APTX: variants seen among roughly 807,000 people sequenced by gnomAD.
APTX encodes the protein aprataxin, also known as forkhead-associated domain histidine triad-like protein.
A neutral mutation model predicts 42.3 loss-of-function variants in APTX; 33 were observed. The ratio of observed to expected loss-of-function variants is 0.78; its 90% CI spans 0.59 to 1.04. The LOEUF (loss-of-function observed/expected upper bound fraction) is 1.04. APTX is among the 50% of genes least tolerant of loss of function. APTX has a pLI of 0.00. For missense variants in APTX, 421 were observed against 415.1 expected (o/e 1.01, Z -0.12); for synonymous variants, 130 against 146.7 (o/e 0.89, Z 0.82).
chr9:33,008,839 A>G (rs1837339700), intron 1 of APTX, among the ~76,000 whole-genome samples: 2 of 152,014 alleles, frequency 1.3e-5, no homozygotes, highest in Non-Finnish European at 2.9e-5. Flanking sequence ...GACGTGCGCC[A>G]CCGCGTTGGC....
chr9:33,020,882 C>T (rs1390276002), intron 1 of APTX, among the ~76,000 whole-genome samples: 1 of 152,226 alleles, frequency 6.6e-6, no homozygotes, highest in East Asian at 1.9e-4. Flanking sequence ...GTAATCCCAG[C>T]ACTTTGGGAG....
intron 1 of APTX, among the ~76,000 whole-genome samples, chr9:33,000,218 G>A (rs1835937248): frequency 6.6e-6 from 1 of 152,154 alleles, no homozygotes; most frequent in Admixed American, 6.5e-5. Context: ...AGAGCTAAAG[G>A]ACAAAGTATG....
Position 32,973,150 on chromosome 9 carries a change from G to C in APTX, c.*348C>G. The C allele has an allele frequency of 6.4e-6, 3 of 470,494 alleles. 1 individual carries two copies. The highest frequency in any genetic ancestry group is 4.6e-5 in the South Asian group (3 of 64,636). The allele number at this position is 470,494 out of a possible 1,614,324, so 29.1% of individuals were successfully genotyped here. On this transcript the variant is annotated 3_prime_UTR_variant, in exon 8 of 8. Transcript: ENST00000379817. ...CTACAGAGGCGGAGGATAAATCTAA[G>C]AAACAGAAATGTATAACCAGCCCAA...
intron 1 of APTX, chr9:33,019,819 G>C: frequency 1.6e-6 from 1 of 640,236 alleles, no homozygotes; most frequent in Non-Finnish European, 2.7e-6. Context: ...TCCAGCGGAC[G>C]GCCAGGATCC....
intron 1 of APTX, among the ~76,000 whole-genome samples, chr9:32,991,795 C>T (rs1386727016): frequency 1.4e-5 from 2 of 146,612 alleles, no homozygotes; most frequent in Admixed American, 6.8e-5. Context: ...AAAAAAAAGG[C>T]GAGACACTCA....
intron 1 of APTX, among the ~76,000 whole-genome samples, chr9:33,012,266 G>C (rs907233310): frequency 6.6e-6 from 1 of 151,888 alleles, no homozygotes; most frequent in Non-Finnish European, 1.5e-5. Flanking sequence ...ATTTTAGAGA[G>C]AGAGGATATA....
intron 1 of APTX, among the ~76,000 whole-genome samples, chr9:33,016,952 G>C (rs1837944635): frequency 6.6e-6 from 1 of 152,192 alleles, no homozygotes; most frequent in African/African-American, 2.4e-5. Flanking sequence ...TACCAACTCT[G>C]TACCAGGCAG....
chr9:32,999,447 C>T (rs548911163), intron 1 of APTX, among the ~76,000 whole-genome samples: 27 of 152,276 alleles, frequency 1.8e-4, no homozygotes, highest in Non-Finnish European at 3.1e-4. Flanking sequence ...TCTGAGAAAC[C>T]TGGCCTTGTT....
At chr9:33,024,318 C>T (rs1056294828) in intron 1 of APTX, among the ~76,000 whole-genome samples, 2 of 152,186 alleles carry the variant, frequency 1.3e-5, no homozygotes, top group South Asian at 2.1e-4. Flanking sequence ...TGGCAAACTC[C>T]ATCTTTCTTG....
At chr9:33,000,485 A>G (rs759150172) in intron 1 of APTX, among the ~76,000 whole-genome samples, 7 of 151,656 alleles carry the variant, frequency 4.6e-5, no homozygotes, top group Non-Finnish European at 1.0e-4. Context: ...AAAATTAGCC[A>G]GGCGTCGTGG....
intron 1 of APTX, among the ~76,000 whole-genome samples, chr9:33,009,855 C>T (rs1031227152): frequency 2.0e-5 from 3 of 152,114 alleles, no homozygotes; most frequent in African/African-American, 7.2e-5. Flanking sequence ...CTGATCATGT[C>T]ATTCCCCTGC....
At chr9:33,010,959 T>C (rs1186245259) in intron 1 of APTX, among the ~76,000 whole-genome samples, 3 of 151,682 alleles carry the variant, frequency 2.0e-5, no homozygotes, top group African/African-American at 7.3e-5. Context: ...CTGGCCAACA[T>C]AGTGAAACCC....
intron 1 of APTX, among the ~76,000 whole-genome samples, chr9:33,014,635 T>C (rs1294387007): frequency 6.6e-6 from 1 of 152,246 alleles, no homozygotes; most frequent in Non-Finnish European, 1.5e-5. Context: ...TCTTGTCCGT[T>C]AGACATTCAC....
Position 32,974,485 on chromosome 9 carries a change from T to C in APTX, c.847A>G (p.Asn283Asp), listed in dbSNP as rs1828846855. 5 of 1,606,574 alleles carry C rather than the reference T, an allele frequency of 3.1e-6. No individual in the cohort carries two copies. The highest frequency in any genetic ancestry group is 4.3e-6 in the Non-Finnish European group (5 of 1,173,534). ...LKNKKHWNSF[N>D]TEYFLESQAV... Reference sequence around the variant, plus strand: ...TGTGATTCTAGGAAGTATTCTGTATTGAAAGAATTCCAATGTTTTTTGTTT... The same window carrying C: ...TGTGATTCTAGGAAGTATTCTGTATCGAAAGAATTCCAATGTTTTTTGTTT... Residue 283 changes from asparagine to aspartate, a missense_variant, in exon 7 of 8, where the codon AAT (asparagine) becomes GAT (aspartate). By Grantham distance (23) the Asn-to-Asp change is conservative. Transcript: ENST00000379817.
At chr9:33,016,075 C>T (rs776103891) in intron 1 of APTX, 3 of 152,088 alleles carry the variant, frequency 2.0e-5, no homozygotes, top group East Asian at 1.9e-4. Flanking sequence ...TCTAGGAGTT[C>T]GTATTATCTA....
At chr9:32,982,744 C>G (rs1830974347) in intron 6 of APTX, among the ~76,000 whole-genome samples, 1 of 152,184 alleles carries the variant, frequency 6.6e-6, no homozygotes. Flanking sequence ...GCATCACGAT[C>G]ACTACGTGAA....
chr9:32,994,669 A>C (rs1411395649), intron 1 of APTX, among the ~76,000 whole-genome samples: 1 of 152,204 alleles, frequency 6.6e-6, no homozygotes, highest in Non-Finnish European at 1.5e-5. Context: ...ACAATATTTC[A>C]AACTTTTTCG....
Position 32,986,032 on chromosome 9 carries a change from T to TAAAAAAAACAA in APTX, c.484-3_484-2insTTGTTTTTTTT. On this transcript the variant is annotated splice_polypyrimidine_tract_variant and splice_region_variant and intron_variant, in intron 4 of 7. Transcript: ENST00000379817. The stretch of plus-strand genomic sequence containing the variant: ...TTGACTCCAGTGGCCCAGGGATTCC[T>TAAAAAAAACAA]AAAAAAAAAACAAAAAAAAAAACAA... The TAAAAAAAACAA allele has an allele frequency of 1.4e-6, 1 of 732,442 alleles. No homozygotes were observed. Among genetic ancestry groups the TAAAAAAAACAA allele is most frequent in the Non-Finnish European group, 1.9e-6 (1 of 529,780 alleles). The allele number at this position is 732,442 out of a possible 1,614,324, so 45.4% of individuals were successfully genotyped here. A position where few individuals can be genotyped will look rare whatever the true frequency, so the allele number is the denominator to read the frequency against.
chr9:33,013,449 AAC>A (rs796402623), intron 1 of APTX, among the ~76,000 whole-genome samples: 5 of 152,330 alleles, frequency 3.3e-5, no homozygotes, highest in African/African-American at 1.2e-4. Context: ...ACAGCAGATG[AAC>A]AGTTATCTTC....
Sources: gnomAD v4.1 joint callset for allele counts (sites outside exome capture counted in the v4.1 genomes callset) on GRCh38, gnomAD v4.1.1 for gene constraint, MANE v1.5 for transcripts, NCBI Gene and HGNC (gene_info 2026-07-23, HGNC 2026-07-21) for gene names.